The following WDR36 variants were observed in gnomAD, a reference collection of about 807,000 sequenced individuals.
WDR36 encodes WD repeat domain 36.
Under a neutral mutation model 112.7 loss-of-function variants are expected in WDR36, and 63 were observed. The observed-to-expected ratio is 0.56, with a 90% CI of 0.46 to 0.69. WDR36 has a LOEUF of 0.69. Among genes scored for constraint, WDR36 ranks in the 30% least tolerant of loss-of-function variants. The probability of loss-of-function intolerance (pLI) is 0.00; values close to 1 mark genes in which losing one functional copy is unlikely to be tolerated. For synonymous variants in WDR36, 410 were observed against 362.2 expected, an observed-to-expected ratio of 1.13 and a Z score of -1.50; for missense variants, 1,226 against 1,070.3, an observed-to-expected ratio of 1.15 and a Z score of -2.03.
At position 111,129,923 on chromosome 5, in the gene WDR36, C is replaced by T. The variant is rs370655295; in HGVS notation, c.*3040C>T. ...CTGCTTCCAATATCTGTTCAAAATTCATTTATTGAAAAGTCCACTCATATG... is the reference window on the plus strand; with the variant it reads ...CTGCTTCCAATATCTGTTCAAAATTTATTTATTGAAAAGTCCACTCATATG... On this transcript the variant is annotated 3_prime_UTR_variant, in exon 23 of 23. Transcript: ENST00000513710. 4.8e-6 allele frequency: 1 copy of T among 209,804 alleles called. No individual in the cohort carries two copies. 13.0% of individuals were successfully genotyped at this position (209,804 alleles called of 1,614,324 possible).
chr5:111,128,418 C>T lies in WDR36; in HGVS notation c.*1535C>T, dbSNP rs1472058365. ...TTTTTCTTTTAGAAATGTGTATTGA[C>T]TTATTAAAGCCACTGACAGAAATGT... On this transcript the variant is annotated 3_prime_UTR_variant, in exon 23 of 23. Coordinates refer to ENST00000513710, the MANE Select transcript of WDR36 (RefSeq NM_139281.3). The T allele has an allele frequency of 5.5e-6, 1 of 182,012 alleles. No homozygotes were observed. The highest frequency in any genetic ancestry group is 1.2e-5 in the Non-Finnish European group (1 of 85,314). 11.3% of individuals were successfully genotyped at this position (182,012 alleles called of 1,614,324 possible).
intron 22 of WDR36, 89 bp from the exon 23 acceptor site, chr5:111,126,645 T>C (rs1045982456): frequency 1.6e-5 from 23 of 1,417,244 alleles, no homozygotes; most frequent in Middle Eastern, 2.2e-4. Flanking sequence ...ACCTAGTGTC[T>C]TTTGTGGTTC....
intron 16 of WDR36, among the ~76,000 whole-genome samples, chr5:111,114,291 C>G (rs1208938337): frequency 1.3e-5 from 2 of 152,018 alleles, no homozygotes; most frequent in Non-Finnish European, 2.9e-5. Context: ...CAGTAACATA[C>G]CATTAGAGAA....
chr5:111,118,357 C>T (rs541252048), intron 16 of WDR36, among the ~76,000 whole-genome samples: 2 of 152,316 alleles, frequency 1.3e-5, no homozygotes, highest in South Asian at 4.1e-4. Context: ...GAAGCCCATT[C>T]TGAGTCTTCT....
At chr5:111,105,234 G>T (rs1177034110) in intron 9 of WDR36, 61 bp from the exon 10 acceptor site, 1 of 1,508,584 alleles carries the variant, frequency 6.6e-7, no homozygotes, top group South Asian at 1.1e-5. Flanking sequence ...TAAAATTTGT[G>T]ATTCACATAG....
At chr5:111,120,751 A>T (rs1195806715) in intron 18 of WDR36, among the ~76,000 whole-genome samples, 158 bp downstream of exon 18, 1 of 152,162 alleles carries the variant, frequency 6.6e-6, no homozygotes, top group African/African-American at 2.4e-5. Flanking sequence ...GCAAAAATAT[A>T]ATTGATGTGG....
chr5:111,107,990 A>G (rs546801021), intron 12 of WDR36, among the ~76,000 whole-genome samples: 1 of 151,002 alleles, frequency 6.6e-6, no homozygotes, highest in East Asian at 1.9e-4. Context: ...TTCCGTATGG[A>G]TTTTAGAATG....
rs114272556 is a variant in WDR36 at position 111,103,914 on chromosome 5, C to T, written c.726C>T (p.Arg242=). The change falls in exon 7 of 23, where the codon CGC becomes CGT. Residue 242 remains arginine, a synonymous_variant. Coordinates refer to ENST00000513710, the MANE Select transcript of WDR36 (RefSeq NM_139281.3). ...GACCCATTACTTCAATTTCATTTCG[C>T]ACAGGTAACTTTTAACATACTTATT... ...DWGPITSISF[R]TDGHPVMAAG... 778 of 1,610,818 alleles carry T rather than the reference C, an allele frequency of 4.8e-4. 5 individuals carry two copies. In the African/African-American group the frequency reaches 8.8e-3, roughly 18 times the overall value.
chr5:111,110,508 A>G (rs901466879), intron 13 of WDR36, among the ~76,000 whole-genome samples: 6 of 151,472 alleles, frequency 4.0e-5, no homozygotes, highest in Non-Finnish European at 8.9e-5. Flanking sequence ...AGTTACGTGG[A>G]TATTATACAG....
rs746529161 is a variant in WDR36 at position 111,104,358 on chromosome 5, A to G, written c.906+6A>G. 40 of 1,611,564 alleles carry G rather than the reference A, an allele frequency of 2.5e-5. No homozygotes were observed. The highest frequency in any genetic ancestry group is 3.2e-5 in the Non-Finnish European group (38 of 1,178,246). On this transcript the variant is annotated splice_donor_region_variant and intron_variant, in intron 8 of 22. Transcript: ENST00000513710. ...GCGCTGACAATGCTCTTAGGGTATT[A>G]TGATTATTGTTAACATCTTCCTGGC...
At chr5:111,105,924 C>G (rs1753214458) in intron 10 of WDR36, 133 bp from the exon 11 acceptor site, 2 of 692,108 alleles carry the variant, frequency 2.9e-6, no homozygotes, top group African/African-American at 3.7e-5. Flanking sequence ...GTAATAACAT[C>G]TTTGTTTTGT....
chr5:111,120,246 T>C (rs1753538347), intron 17 of WDR36, among the ~76,000 whole-genome samples: 1 of 152,140 alleles, frequency 6.6e-6, no homozygotes, highest in Non-Finnish European at 1.5e-5. Context: ...ATAAAATTAT[T>C]ATCTACTACT....
intron 14 of WDR36, 91 bp from the exon 15 acceptor site, chr5:111,111,079 A>T (rs941679214): frequency 2.8e-5 from 44 of 1,550,930 alleles, no homozygotes; most frequent in Non-Finnish European, 3.7e-5. Flanking sequence ...ATTTCCCCCA[A>T]AGTGTACTTG....
At position 111,111,288 on chromosome 5, in the gene WDR36, ACT is replaced by A. The variant is rs762834040; in HGVS notation, c.1716+13_1716+14del. 16 of 1,600,892 alleles carry A rather than the reference ACT, an allele frequency of 1.0e-5. No homozygotes were observed. In the South Asian group the frequency reaches 1.8e-4, roughly 18 times the overall value. The stretch of plus-strand genomic sequence containing the variant: ...CCAAATAAATGACATGGTAAAACAA[ACT>A]CTAACTAATAAAACTTGACTCATTT... On this transcript the variant is annotated intron_variant, in intron 15 of 22. Coordinates refer to ENST00000513710, the MANE Select transcript of WDR36 (RefSeq NM_139281.3).
At chr5:111,099,970 T>C (rs1377216391) in intron 4 of WDR36, among the ~76,000 whole-genome samples, 1 of 152,058 alleles carries the variant, frequency 6.6e-6, no homozygotes, top group African/African-American at 2.4e-5. Flanking sequence ...ACATAGAAAT[T>C]TTGAATGTAA....
chr5:111,124,482 CTTG>C (rs975681234), intron 21 of WDR36, among the ~76,000 whole-genome samples: 143 of 152,122 alleles, frequency 9.4e-4, no homozygotes, highest in African/African-American at 3.2e-3. Flanking sequence ...GGAGATCCTT[CTTG>C]TTGTGAATTA....
intron 2 of WDR36, among the ~76,000 whole-genome samples, chr5:111,095,495 C>A (rs1412344853): frequency 1.3e-5 from 2 of 152,198 alleles, no homozygotes; most frequent in Non-Finnish European, 2.9e-5. Flanking sequence ...TATGATGATA[C>A]TTGCCTGAAT....
At position 111,098,987 on chromosome 5, in the gene WDR36, A is replaced by G. The variant is rs979751479; in HGVS notation, c.409+148A>G. 3.9e-5 allele frequency: 25 copies of G among 635,840 alleles called. No homozygotes were observed. In the African/African-American group the frequency reaches 4.6e-4, roughly 12 times the overall value. The allele number at this position is 635,840 out of a possible 1,614,324, so 39.4% of individuals were successfully genotyped here. A position where few individuals can be genotyped will look rare whatever the true frequency, so the allele number is the denominator to read the frequency against. On this transcript the variant is annotated intron_variant, in intron 4 of 22. Coordinates refer to ENST00000513710, the MANE Select transcript of WDR36 (RefSeq NM_139281.3). ...AAAAATCTTTAACGTGTAAGAAAAA[A>G]AGTTCTAAGTAAGAAAGAGATAAAC...
At chr5:111,120,964 A>T in intron 18 of WDR36, 32 bp from the exon 19 acceptor site, 1 of 1,578,990 alleles carries the variant, frequency 6.3e-7, no homozygotes. Flanking sequence ...TATGATAAAA[A>T]TCTTTTGTTT....
Sources: gnomAD v4.1 joint callset for allele counts (sites outside exome capture counted in the v4.1 genomes callset) on GRCh38, gnomAD v4.1.1 for gene constraint, MANE v1.5 for transcripts, NCBI Gene and HGNC (gene_info 2026-07-23, HGNC 2026-07-21) for gene names.